TJP2: variants seen among roughly 807,000 people sequenced by gnomAD.
The protein encoded by TJP2 is tight junction protein 2.
A neutral mutation model predicts 133.1 loss-of-function variants in TJP2; 91 were observed. The ratio of observed to expected loss-of-function variants is 0.68; its 90% CI spans 0.58 to 0.81. The LOEUF is 0.81. Among genes scored for constraint, TJP2 ranks in the 40% least tolerant of loss-of-function variants. The pLI is 0.00. For missense variants in TJP2, 1,541 were observed against 1,565.6 expected (o/e 0.98, Z 0.26); for synonymous variants, 592 against 583.4 (o/e 1.01, Z -0.21).
chr9:69,193,149 C>T (rs1826319027), intron 1 of TJP2, among the ~76,000 whole-genome samples: 1 of 152,122 alleles, frequency 6.6e-6, no homozygotes, highest in African/African-American at 2.4e-5. Flanking sequence ...CTCTTGAGCT[C>T]AGACGATTCA....
intron 1 of TJP2, among the ~76,000 whole-genome samples, chr9:69,211,332 G>A (rs1017483042): frequency 8.5e-5 from 13 of 152,144 alleles, no homozygotes; most frequent in Admixed American, 2.0e-4. Context: ...ACGAGACTCC[G>A]TCTCAAACAA....
intron 1 of TJP2, among the ~76,000 whole-genome samples, chr9:69,185,117 A>C (rs1384269014): frequency 6.9e-6 from 1 of 145,422 alleles, no homozygotes; most frequent in Non-Finnish European, 1.5e-5. Context: ...GCTGGAATGC[A>C]GTGGTGCAAT....
chr9:69,228,452 C>T (rs1829513346), intron 9 of TJP2, among the ~76,000 whole-genome samples: 1 of 152,198 alleles, frequency 6.6e-6, no homozygotes, highest in South Asian at 2.1e-4. Flanking sequence ...CCCCAAACCT[C>T]AGCATCATGC....
intron 16 of TJP2, 108 bp from the exon 17 acceptor site, chr9:69,239,828 AC>A: frequency 2.0e-6 from 2 of 984,102 alleles, no homozygotes; most frequent in Non-Finnish European, 1.6e-6. Flanking sequence ...AAGTAAACAA[AC>A]AAACAAACAA....
intron 17 of TJP2, chr9:69,246,082 A>T (rs12555245): frequency 1.4e-4 from 22 of 157,208 alleles, no homozygotes; most frequent in African/African-American, 5.3e-4. Flanking sequence ...TTTGCGTAGC[A>T]TTTACATTGT....
At chr9:69,152,014 A>G (rs1041149020) in intron 2 of TJP2, among the ~76,000 whole-genome samples, 1 of 152,156 alleles carries the variant, frequency 6.6e-6, no homozygotes, top group Admixed American at 6.5e-5. Context: ...ATGCTTATTG[A>G]GGATGACCTT....
chr9:69,153,598 T>C (rs960802663), intron 2 of TJP2, among the ~76,000 whole-genome samples: 1 of 152,164 alleles, frequency 6.6e-6, no homozygotes, highest in African/African-American at 2.4e-5. Flanking sequence ...AAAAAAATTG[T>C]TCTCCTAAAA....
chr9:69,212,654 T>G (rs1443794862), intron 2 of TJP2, 53 bp downstream of exon 2: 32 of 1,455,492 alleles, frequency 2.2e-5, no homozygotes, highest in Non-Finnish European at 3.1e-5. Flanking sequence ...ATTTTACGGA[T>G]CATGGATCTT....
chr9:69,247,928 G>A, intron 18 of TJP2, 84 bp from the exon 19 acceptor site: 1 of 1,371,968 alleles, frequency 7.3e-7, no homozygotes, highest in Non-Finnish European at 9.8e-7. Flanking sequence ...CAGTCGCTTG[G>A]CTGTGTCCTT....
intron 2 of TJP2, among the ~76,000 whole-genome samples, chr9:69,154,598 G>C (rs1467248022): frequency 1.3e-5 from 2 of 150,932 alleles, no homozygotes; most frequent in Non-Finnish European, 3.0e-5. Flanking sequence ...AAGAGCACCT[G>C]GGCGACATAG....
chr9:69,234,007 G>A (rs545912849), intron 11 of TJP2, among the ~76,000 whole-genome samples: 1 of 152,304 alleles, frequency 6.6e-6, no homozygotes, highest in South Asian at 2.1e-4. Context: ...TAAAATTAGT[G>A]TAAATGCTGG....
At chr9:69,215,997 A>C (rs1427757438) in intron 2 of TJP2, among the ~76,000 whole-genome samples, 1 of 152,218 alleles carries the variant, frequency 6.6e-6, no homozygotes, top group African/African-American at 2.4e-5. Context: ...TCGGGCCAGC[A>C]TGATGCAAAG....
intron 1 of TJP2, among the ~76,000 whole-genome samples, chr9:69,178,976 A>T (rs1283966947): frequency 4.7e-5 from 7 of 149,422 alleles, no homozygotes; most frequent in Non-Finnish European, 8.9e-5. Context: ...TTTTTTTCTT[A>T]TTTTTTTTTT....
intron 1 of TJP2, among the ~76,000 whole-genome samples, chr9:69,136,761 G>A (rs1822751000): frequency 6.6e-6 from 1 of 152,116 alleles, no homozygotes; most frequent in African/African-American, 2.4e-5. Context: ...GCGGCCCTTT[G>A]GTGAGAAGCC....
intron 1 of TJP2, among the ~76,000 whole-genome samples, chr9:69,197,008 G>A (rs538457779): frequency 5.5e-4 from 80 of 146,736 alleles, no homozygotes; most frequent in African/African-American, 1.9e-3. Flanking sequence ...TCACTCTGTC[G>A]CCCAGGTTGG....
In TJP2 at chr9:69,158,327, CAAAAAAAAAAAAAA is replaced by C. The variant is rs1156502519; in HGVS notation, c.-10+6568_-10+6581del. On this transcript the variant is annotated intron_variant, in intron 2 of 5. Coordinates refer to the TJP2 transcript ENST00000423935. ...TGAGGGACAGAGCAAGACTTTGCCTCAAAAAAAAAAAAAAAAAAAAAAAAAGCTGACCCAGAGCC... is the reference window on the plus strand; with the variant it reads ...TGAGGGACAGAGCAAGACTTTGCCTCAAAAAAAAAAAGCTGACCCAGAGCC... Among the ~76,000 whole-genome samples the C allele has an allele frequency of 9.5e-5, 5 of 52,778 alleles. No individual in the cohort carries two copies. In the East Asian group the frequency reaches 4.2e-3, roughly 44 times the overall value. 34.6% of individuals were successfully genotyped at this position (52,778 alleles called of 152,430 possible).
chr9:69,200,581 A>C (rs1826913356), intron 1 of TJP2, among the ~76,000 whole-genome samples: 2 of 152,014 alleles, frequency 1.3e-5, no homozygotes, highest in African/African-American at 4.8e-5. Flanking sequence ...TTTTGTAGAG[A>C]TAGGATCTTG....
chr9:69,195,128 T>A (rs113101303), intron 1 of TJP2, among the ~76,000 whole-genome samples: 1 of 58,966 alleles, frequency 1.7e-5, no homozygotes, highest in Non-Finnish European at 3.8e-5. Flanking sequence ...TCAACCTGCC[T>A]TTTTGACAAA....
intron 1 of TJP2, among the ~76,000 whole-genome samples, chr9:69,129,456 A>G: frequency 6.6e-6 from 1 of 152,106 alleles, no homozygotes; most frequent in East Asian, 1.9e-4. Context: ...GGCTGCAGTG[A>G]GCTGTGATTG....
Sources: gnomAD v4.1 joint callset for allele counts (sites outside exome capture counted in the v4.1 genomes callset) on GRCh38, gnomAD v4.1.1 for gene constraint, MANE v1.5 for transcripts, NCBI Gene and HGNC (gene_info 2026-07-23, HGNC 2026-07-21) for gene names.